The following MARK2 variants were observed in gnomAD, a reference collection of about 807,000 sequenced individuals.
MARK2 encodes serine/threonine-protein kinase MARK2.
In MARK2, 16 loss-of-function variants were observed where a neutral mutation model predicts 89.8. That is an observed-to-expected ratio of 0.18 (90% CI 0.12 to 0.27). The LOEUF (loss-of-function observed/expected upper bound fraction) is 0.27. Among genes scored for constraint, MARK2 ranks in the 10% least tolerant of loss-of-function variants. The pLI is 1.00. For synonymous variants in MARK2, 382 were observed against 399.5 expected (o/e 0.96, Z 0.52); for missense variants, 621 against 1,049.9 (o/e 0.59, Z 5.65).
intron 1 of MARK2, among the ~76,000 whole-genome samples, chr11:63,842,217 CTTTT>C (rs563980317): frequency 7.5e-6 from 1 of 133,042 alleles, no homozygotes. Flanking sequence ...TTCCTGTATT[CTTTT>C]TTTTTTTTTT....
Position 63,902,832 on chromosome 11 carries a change from C to T in MARK2, c.1416+50C>T, listed in dbSNP as rs1410551413. 2 of 1,452,454 alleles carry T rather than the reference C, an allele frequency of 1.4e-6. No individual in the cohort carries two copies. Among genetic ancestry groups the T allele is most frequent in the Non-Finnish European group, 1.9e-6 (2 of 1,042,080 alleles). The allele number at this position is 1,452,454 out of a possible 1,614,324, so 90.0% of individuals were successfully genotyped here. A position where few individuals can be genotyped will look rare whatever the true frequency, so the allele number is the denominator to read the frequency against. ...CTTCCTTCCTGCGGTGGGGCCTGCC[C>T]TCTCCAGGCAGCTCTTCTCTTAATT... is the stretch of plus-strand genomic sequence containing the variant. On this transcript the variant is annotated intron_variant, in intron 13 of 18. Coordinates refer to ENST00000402010, the MANE Select transcript of MARK2 (RefSeq NM_001039469.3). This position sits in a 1 kb window ranked among gnomAD's most constrained non-coding sequence, Gnocchi z 4.2.
intron 1 of MARK2, among the ~76,000 whole-genome samples, chr11:63,880,731 G>A (rs572051612): frequency 1.3e-5 from 2 of 152,276 alleles, no homozygotes; most frequent in Non-Finnish European, 2.9e-5. Flanking sequence ...AGTGGGATGG[G>A]CCCTGCTGGT....
At chr11:63,867,939 G>A (rs574502273) in intron 1 of MARK2, among the ~76,000 whole-genome samples, 15 of 152,316 alleles carry the variant, frequency 9.8e-5, no homozygotes, top group African/African-American at 3.6e-4. Flanking sequence ...ACACTGGATT[G>A]TGTGATTTGT....
At chr11:63,880,092 C>T (rs1938999722) in intron 1 of MARK2, 1 of 151,136 alleles carries the variant, frequency 6.6e-6, no homozygotes, top group East Asian at 1.9e-4. Context: ...AATCTGTACC[C>T]AGGTAGAAAG....
intron 1 of MARK2, among the ~76,000 whole-genome samples, chr11:63,856,605 G>A (rs1237890008): frequency 1.3e-5 from 2 of 151,092 alleles, no homozygotes; most frequent in Non-Finnish European, 1.5e-5. Flanking sequence ...TGTATATTTA[G>A]TAGAGACAGT....
Position 63,900,496 on chromosome 11 carries a change from T to C in MARK2, c.769-63T>C. The C allele has an allele frequency of 6.3e-7, 1 of 1,575,120 alleles. No homozygotes were observed. Among genetic ancestry groups the C allele is most frequent in the Non-Finnish European group, 8.7e-7 (1 of 1,154,530 alleles). ...AGGCTTAAGCTCTCAGGATCTTGGATATTAGGTTTCTTCCTTTGGCCTTGG... is the reference window on the plus strand; with the variant it reads ...AGGCTTAAGCTCTCAGGATCTTGGACATTAGGTTTCTTCCTTTGGCCTTGG... On this transcript the variant is annotated intron_variant, in intron 8 of 18. Transcript: ENST00000402010. The surrounding 1 kb of genome is among the most constrained non-coding windows in gnomAD (Gnocchi z 4.7).
At chr11:63,873,000 C>G (rs1938546716) in intron 1 of MARK2, among the ~76,000 whole-genome samples, 1 of 147,656 alleles carries the variant, frequency 6.8e-6, no homozygotes, top group African/African-American at 2.5e-5. Flanking sequence ...GGAGGAGATT[C>G]CGGGGCGCAT....
intron 1 of MARK2, chr11:63,868,910 G>A (rs1229750799): frequency 2.2e-6 from 1 of 455,852 alleles, no homozygotes. Context: ...CCTGATGATG[G>A]TGAGGACCCA....
intron 17 of MARK2, 97 bp downstream of exon 17, chr11:63,906,211 C>T: frequency 8.1e-7 from 1 of 1,237,662 alleles, no homozygotes; most frequent in Non-Finnish European, 1.0e-6. Context: ...CTCTTACTCT[C>T]CTCCATCTGC....
chr11:63,896,439 T>A (rs1184897821), intron 3 of MARK2, among the ~76,000 whole-genome samples: 1 of 152,266 alleles, frequency 6.6e-6, no homozygotes, highest in Non-Finnish European at 1.5e-5. Flanking sequence ...CAGCTCAAAT[T>A]TTCTGAACAA....
At chr11:63,840,672 C>G (rs2015966780) in intron 1 of MARK2, among the ~76,000 whole-genome samples, 1 of 152,188 alleles carries the variant, frequency 6.6e-6, no homozygotes, top group Non-Finnish European at 1.5e-5. Flanking sequence ...GCCTTTTAAT[C>G]AGCGTTGCCT....
At chr11:63,859,258 A>G (rs1202615741) in intron 1 of MARK2, among the ~76,000 whole-genome samples, 1 of 151,658 alleles carries the variant, frequency 6.6e-6, no homozygotes, top group Non-Finnish European at 1.5e-5. Flanking sequence ...GAGACCTGAC[A>G]TACTTTGTTT....
rs143814729 is a variant in MARK2 at position 63,873,243 on chromosome 11, T to C, written c.55-21916T>C. On this transcript the variant is annotated intron_variant, in intron 1 of 18. Coordinates refer to ENST00000402010, the MANE Select transcript of MARK2 (RefSeq NM_001039469.3). The stretch of plus-strand genomic sequence containing the variant: ...CTGGCTGGGTGGTTTGGGGAGTTTC[T>C]TCTTTGAATCTCTTAGAGTACAATA... Among the ~76,000 whole-genome samples the C allele has an allele frequency of 3.3e-3, 502 of 152,276 alleles. 2 individuals carry two copies. The highest frequency in any genetic ancestry group is 5.2e-3 in the Non-Finnish European group (357 of 68,010).
intron 3 of MARK2, among the ~76,000 whole-genome samples, chr11:63,896,319 C>A (rs1463624521): frequency 6.6e-6 from 1 of 152,222 alleles, no homozygotes; most frequent in African/African-American, 2.4e-5. Context: ...CGTGCAGCTA[C>A]TTCAAGATCT....
rs1298772781 is a variant in MARK2 at position 63,909,357 on chromosome 11, C to G, written c.*120C>G. The G allele has an allele frequency of 9.4e-7, 1 of 1,064,190 alleles. No individual in the cohort carries two copies. Among genetic ancestry groups the G allele is most frequent in the African/African-American group, 1.6e-5 (1 of 61,238 alleles). 65.9% of individuals were successfully genotyped at this position (1,064,190 alleles called of 1,614,324 possible). On this transcript the variant is annotated 3_prime_UTR_variant, in exon 19 of 19. Coordinates refer to ENST00000402010, the MANE Select transcript of MARK2 (RefSeq NM_001039469.3). ...TGGTGTGTCTCCCCTGCTGGCACTT[C>G]TCCCCTCCCTGGCCCTTCTCAGTTT...
chr11:63,907,533 C>T (rs1006889132), intron 17 of MARK2, among the ~76,000 whole-genome samples: 9 of 152,222 alleles, frequency 5.9e-5, no homozygotes, highest in Non-Finnish European at 1.2e-4. Flanking sequence ...AGCCGCTCAG[C>T]GGGGCCAGAC....
At chr11:63,888,445 C>G in intron 1 of MARK2, 1 of 849,834 alleles carries the variant, frequency 1.2e-6, no homozygotes, top group Non-Finnish European at 1.4e-6. Flanking sequence ...AGCTGTTACC[C>G]AGCAAAGCAC....
At chr11:63,878,107 A>G (rs923678458) in intron 1 of MARK2, among the ~76,000 whole-genome samples, 17 of 152,352 alleles carry the variant, frequency 1.1e-4, no homozygotes, top group Middle Eastern at 3.4e-3. Flanking sequence ...CTAGTAGGGA[A>G]GACAGTTGTA....
chr11:63,893,115 T>A (rs1940044375), intron 1 of MARK2, among the ~76,000 whole-genome samples: 1 of 151,504 alleles, frequency 6.6e-6, no homozygotes, highest in South Asian at 2.1e-4. Flanking sequence ...GGTTTTACTA[T>A]GTTGGCCAGG....
Sources: allele counts gnomAD v4.1 joint callset (sites outside exome capture counted in the v4.1 genomes callset), GRCh38; gene constraint gnomAD v4.1.1; non-coding constraint Gnocchi (gnomAD v3.1); transcripts MANE v1.5; gene names NCBI Gene and HGNC (gene_info 2026-07-23, HGNC 2026-07-21).